The following WIPF3 variants were observed in gnomAD, a reference collection of about 807,000 sequenced individuals.
WIPF3 encodes the protein WAS/WASL interacting protein family member 3, also known as WAS/WASL-interacting protein family member 3.
A neutral mutation model predicts 38.9 loss-of-function variants in WIPF3; 33 were observed. The observed-to-expected ratio is 0.85, with a 90% confidence interval of 0.64 to 1.14. WIPF3 has a LOEUF of 1.14. Ranked by LOEUF, WIPF3 falls within the 50% of genes most tolerant of loss-of-function variation. The pLI, the probability that WIPF3 is intolerant of heterozygous loss-of-function variation, is 0.00. For missense variants in WIPF3, 711 were observed against 652.5 expected, an observed-to-expected ratio of 1.09 and a Z score of -0.98; for synonymous variants, 324 against 269.3, an observed-to-expected ratio of 1.20 and a Z score of -1.99.
chr7:29,896,570 G>C, intron 7 of WIPF3, among the ~76,000 whole-genome samples: 1 of 151,984 alleles, frequency 6.6e-6, no homozygotes, highest in East Asian at 1.9e-4. Flanking sequence ...GAGCCATAAT[G>C]GTGCCACTGC....
chr7:29,880,322 G>A (rs1436826505), intron 4 of WIPF3, among the ~76,000 whole-genome samples: 1 of 152,142 alleles, frequency 6.6e-6, no homozygotes, highest in South Asian at 2.1e-4. Context: ...AATGTTATGG[G>A]ATGATTATGC....
chr7:29,847,267 G>T (rs1482239994), intron 2 of WIPF3, among the ~76,000 whole-genome samples: 1 of 152,136 alleles, frequency 6.6e-6, no homozygotes, highest in Non-Finnish European at 1.5e-5. Context: ...CAGGGCAGGA[G>T]GTCAGACACT....
chr7:29,907,280 A>G (rs1402149323), intron 8 of WIPF3, among the ~76,000 whole-genome samples: 2 of 152,210 alleles, frequency 1.3e-5, no homozygotes, highest in Non-Finnish European at 2.9e-5. Flanking sequence ...TTAAGAGACT[A>G]GTGTATTTAA....
chr7:29,856,142 C>T lies in WIPF3; in HGVS notation c.91-19688C>T, dbSNP rs570771511. Among the ~76,000 whole-genome samples, 7 of 152,328 alleles carry T rather than the reference C, an allele frequency of 4.6e-5. No individual in the cohort carries two copies. The South Asian group carries it at 1.4e-3, about 32-fold the overall frequency. On this transcript the variant is annotated intron_variant, in intron 2 of 8. Coordinates refer to ENST00000242140, the MANE Select transcript of WIPF3 (RefSeq NM_001080529.3). ...TGTAAACCTACCCCACCCTACATAT[C>T]TCCCACCTTTATTCATATCTTTAGG...
chr7:29,883,927 A>T lies in WIPF3; in HGVS notation c.433A>T (p.Ile145Phe), dbSNP rs931440383. The T allele has an allele frequency of 6.4e-6, 10 of 1,563,200 alleles. No homozygotes were observed. Among genetic ancestry groups the T allele is most frequent in the Non-Finnish European group, 7.8e-6 (9 of 1,154,988 alleles). Residue 145 changes from isoleucine (I) to phenylalanine (F), a missense_variant, in exon 5 of 9, where the codon ATC (isoleucine) becomes TTC (phenylalanine). Transcript: ENST00000242140. ...LPNKTISGPL[I>F]PPASPRLGNT... ...CAACAAAACCATCAGCGGCCCGCTTATCCCGCCTGCCTCTCCCAGGCTAGG... is the reference window on the plus strand; with the variant it reads ...CAACAAAACCATCAGCGGCCCGCTTTTCCCGCCTGCCTCTCCCAGGCTAGG...
intron 2 of WIPF3, among the ~76,000 whole-genome samples, chr7:29,840,633 T>A (rs1159815273): frequency 6.6e-6 from 1 of 152,192 alleles, no homozygotes; most frequent in Non-Finnish European, 1.5e-5. Context: ...ACTCTAAACA[T>A]CTATGTTGTG....
chr7:29,904,819 A>G, intron 8 of WIPF3: 1 of 159,076 alleles, frequency 6.3e-6, no homozygotes. Context: ...TTCAAGTACT[A>G]GTACCCACAA....
At chr7:29,816,298 TTTATTA>T (rs1018171140) in intron 1 of WIPF3, among the ~76,000 whole-genome samples, 7 of 151,752 alleles carry the variant, frequency 4.6e-5, no homozygotes, top group African/African-American at 1.2e-4. Flanking sequence ...TACTCGTTCT[TTTATTA>T]TTATTATTAT....
At chr7:29,860,319 G>A (rs983183596) in intron 2 of WIPF3, among the ~76,000 whole-genome samples, 1 of 152,128 alleles carries the variant, frequency 6.6e-6, no homozygotes, top group African/African-American at 2.4e-5. Flanking sequence ...TGGAGGTGGG[G>A]CCTAATGGAT....
chr7:29,913,408 A>C (rs1228997140), intron 8 of WIPF3, among the ~76,000 whole-genome samples: 2 of 152,126 alleles, frequency 1.3e-5, no homozygotes, highest in Non-Finnish European at 2.9e-5. Flanking sequence ...TACCACAATA[A>C]AAATGGAGAA....
chr7:29,807,456 G>A (rs1272847769), intron 1 of WIPF3, among the ~76,000 whole-genome samples: 4 of 152,352 alleles, frequency 2.6e-5, no homozygotes, highest in African/African-American at 9.6e-5. Flanking sequence ...AGGTGGCGGG[G>A]AGGGCGGGCA....
rs1373241155 is a variant in WIPF3 at position 29,878,937 on chromosome 7, A to G, written c.224-72A>G. The G allele has an allele frequency of 6.6e-7, 1 of 1,508,266 alleles. No individual in the cohort carries two copies. Among genetic ancestry groups the G allele is most frequent in the Non-Finnish European group, 9.0e-7 (1 of 1,109,608 alleles). The allele number at this position is 1,508,266 out of a possible 1,614,324, so 93.4% of individuals were successfully genotyped here. ...GGCAGTGGTAGACCAGTGTTAGACC[A>G]TGGTCTGAAATGAGACCTGGCTGCT... On this transcript the variant is annotated intron_variant, in intron 3 of 8. Coordinates refer to ENST00000242140, the MANE Select transcript of WIPF3 (RefSeq NM_001080529.3). This position sits in a 1 kb window ranked among gnomAD's most constrained non-coding sequence, Gnocchi z 4.0.
At chr7:29,879,230 C>T (rs1785668445) in intron 4 of WIPF3, 90 bp downstream of exon 4, 5 of 1,479,812 alleles carry the variant, frequency 3.4e-6, no homozygotes, top group African/African-American at 1.4e-5. Context: ...CAGTAAGCAA[C>T]ATGGTTTTAC....
intron 8 of WIPF3, among the ~76,000 whole-genome samples, chr7:29,911,595 G>A (rs909424190): frequency 6.6e-6 from 1 of 152,022 alleles, no homozygotes; most frequent in African/African-American, 2.4e-5. Flanking sequence ...AGAATAAAAA[G>A]CAATAAATAA....
At chr7:29,809,058 AAT>A (rs1784331729) in intron 1 of WIPF3, among the ~76,000 whole-genome samples, 1 of 152,250 alleles carries the variant, frequency 6.6e-6, no homozygotes, top group African/African-American at 2.4e-5. Flanking sequence ...TTTTCTAGCA[AAT>A]GTGTTATAAA....
intron 1 of WIPF3, among the ~76,000 whole-genome samples, chr7:29,830,813 A>C (rs906469801): frequency 2.0e-5 from 3 of 152,176 alleles, no homozygotes; most frequent in African/African-American, 7.2e-5. Flanking sequence ...AAAATGTCTT[A>C]GAAGTCCCCA....
intron 1 of WIPF3, among the ~76,000 whole-genome samples, chr7:29,834,391 A>G (rs1218791732): frequency 6.6e-6 from 1 of 152,144 alleles, no homozygotes; most frequent in Non-Finnish European, 1.5e-5. Context: ...ATACATATAT[A>G]TGTATATTCT....
At chr7:29,837,113 T>C (rs1247075411) in intron 2 of WIPF3, among the ~76,000 whole-genome samples, 1 of 152,122 alleles carries the variant, frequency 6.6e-6, no homozygotes, top group Non-Finnish European at 1.5e-5. Flanking sequence ...CCCAGCACTT[T>C]GGGAGGCTGA....
chr7:29,870,160 G>A (rs931386140), intron 2 of WIPF3, among the ~76,000 whole-genome samples: 3 of 152,122 alleles, frequency 2.0e-5, no homozygotes, highest in African/African-American at 4.8e-5. Flanking sequence ...CTCAAGCCAA[G>A]GTCTTGAGGT....
Sources: allele counts gnomAD v4.1 joint callset (sites outside exome capture counted in the v4.1 genomes callset), GRCh38; gene constraint gnomAD v4.1.1; non-coding constraint Gnocchi (gnomAD v3.1); transcripts MANE v1.5; gene names NCBI Gene and HGNC (gene_info 2026-07-23, HGNC 2026-07-21).